ROS1: variants seen among roughly 807,000 people sequenced by gnomAD.
ROS1 encodes the protein ROS proto-oncogene 1, receptor tyrosine kinase.
A neutral mutation model predicts 273.5 loss-of-function variants in ROS1; 263 were observed. The observed-to-expected ratio is 0.96, with a 90% CI of 0.87 to 1.06. ROS1 has a LOEUF of 1.06. Among genes scored for constraint, ROS1 ranks in the 50% least tolerant of loss-of-function variants. The probability of loss-of-function intolerance (pLI) is 0.00; values close to 1 mark genes in which losing one functional copy is unlikely to be tolerated. For missense variants in ROS1, 2,833 were observed against 2,751.1 expected, an observed-to-expected ratio of 1.03 and a Z score of -0.67; for synonymous variants, 1,008 against 954.1, an observed-to-expected ratio of 1.06 and a Z score of -1.04.
chr6:117,404,836 T>G (rs1774269354), intron 5 of ROS1, among the ~76,000 whole-genome samples: 1 of 152,194 alleles, frequency 6.6e-6, no homozygotes, highest in Non-Finnish European at 1.5e-5. Context: ...TTCTGAAATT[T>G]TATACTCTAA....
intron 5 of ROS1, among the ~76,000 whole-genome samples, chr6:117,409,033 G>A (rs1278523483): frequency 7.1e-5 from 10 of 140,086 alleles, no homozygotes; most frequent in African/African-American, 2.7e-4. Flanking sequence ...ATGGACACAG[G>A]AAGGGGAACA....
At chr6:117,351,837 T>C (rs1029949819) in intron 27 of ROS1, among the ~76,000 whole-genome samples, 2 of 152,198 alleles carry the variant, frequency 1.3e-5, no homozygotes, top group Non-Finnish European at 2.9e-5. Flanking sequence ...CATGAACTTT[T>C]AAAATCTCTT....
chr6:117,359,753 T>C, intron 24 of ROS1, 56 bp downstream of exon 24: 4 of 1,362,286 alleles, frequency 2.9e-6, no homozygotes, highest in Non-Finnish European at 1.0e-6. Context: ...TACAAAGTAG[T>C]GTCATATGCA....
chr6:117,395,558 C>A (rs1773423521), intron 9 of ROS1, among the ~76,000 whole-genome samples: 1 of 152,114 alleles, frequency 6.6e-6, no homozygotes, highest in South Asian at 2.1e-4. Flanking sequence ...TCTCAAAAAT[C>A]TTTTATTAGT....
chr6:117,346,459 A>T (rs1444633214), intron 27 of ROS1, among the ~76,000 whole-genome samples: 1 of 149,056 alleles, frequency 6.7e-6, no homozygotes, highest in African/African-American at 2.5e-5. Context: ...GTTCCAGTTT[A>T]AAAAAAAAAC....
intron 13 of ROS1, among the ~76,000 whole-genome samples, chr6:117,388,543 A>G (rs577932935): frequency 1.3e-5 from 2 of 152,344 alleles, no homozygotes; most frequent in South Asian, 4.1e-4. Context: ...CTCACAGGCC[A>G]AACCTGGCCC....
intron 12 of ROS1, among the ~76,000 whole-genome samples, chr6:117,392,980 A>G (rs1339250575): frequency 6.6e-6 from 1 of 152,154 alleles, no homozygotes; most frequent in Non-Finnish European, 1.5e-5. Flanking sequence ...TCTTTCCCAT[A>G]TTCCCATATT....
chr6:117,385,891 T>C lies in ROS1; in HGVS notation c.2111-30A>G, dbSNP rs762218849. Reference sequence around the variant, plus strand: ...AAATAAAGTGAATGATTAGCAGTTATTTTTCATACATACCAACAAAAACAT... The same window carrying C: ...AAATAAAGTGAATGATTAGCAGTTACTTTTCATACATACCAACAAAAACAT... On this transcript the variant is annotated intron_variant, in intron 15 of 43. Transcript: ENST00000368507. The C allele has an allele frequency of 6.9e-6, 11 of 1,586,858 alleles. No individual in the cohort carries two copies. The South Asian group carries it at 1.0e-4, about 14-fold the overall frequency.
intron 17 of ROS1, among the ~76,000 whole-genome samples, chr6:117,382,305 T>C (rs749344934): frequency 3.3e-5 from 5 of 152,112 alleles, no homozygotes; most frequent in African/African-American, 1.2e-4. Context: ...AAATCAGGTC[T>C]CTTTAAATAT....
At chr6:117,317,019 T>C (rs2128555217) in intron 39 of ROS1, 124 bp downstream of exon 39, 1 of 1,039,186 alleles carries the variant, frequency 9.6e-7, no homozygotes, top group South Asian at 1.9e-5. Context: ...GGAAACAGAA[T>C]AATTCTTTCC....
chr6:117,399,358 C>T (rs533686458), intron 7 of ROS1, among the ~76,000 whole-genome samples: 36 of 152,206 alleles, frequency 2.4e-4, no homozygotes, highest in Non-Finnish European at 5.0e-4. Flanking sequence ...TGGAAAATTT[C>T]GAACATGGTC....
intron 33 of ROS1, among the ~76,000 whole-genome samples, chr6:117,327,675 G>A (rs1250695815): frequency 1.3e-5 from 2 of 152,220 alleles, no homozygotes; most frequent in Admixed American, 1.3e-4. Context: ...AACATGGTTT[G>A]TGTACTGGAT....
intron 27 of ROS1, among the ~76,000 whole-genome samples, chr6:117,350,917 C>T (rs1778794299): frequency 6.6e-6 from 1 of 152,014 alleles, no homozygotes. Context: ...CATTAGAGCC[C>T]CTAGCATATT....
intron 32 of ROS1, among the ~76,000 whole-genome samples, chr6:117,334,608 A>G (rs1777330292): frequency 6.6e-6 from 1 of 152,124 alleles, no homozygotes; most frequent in Admixed American, 6.6e-5. Context: ...TTACAAAGCT[A>G]CAGTAACACA....
In ROS1 at chr6:117,409,603, C is replaced by CA. The variant is rs775761624; in HGVS notation, c.294dup (p.Ala99CysfsTer3). ...TTACCCAGTACTTCCTCTTCATATG[C>CA]ACCTTCCGCGCTGCTACAGCCAACC... On this transcript the variant is annotated frameshift_variant, in exon 5 of 44. Coordinates refer to ENST00000368507, the MANE Select transcript of ROS1 (RefSeq NM_001378902.1). LOFTEE classifies it high-confidence loss of function. The CA allele has an allele frequency of 4.3e-6, 7 of 1,613,722 alleles. 1 individual carries two copies. The South Asian group carries it at 7.7e-5, about 18-fold the overall frequency.
intron 1 of ROS1, among the ~76,000 whole-genome samples, chr6:117,421,759 A>G (rs1244252855): frequency 6.6e-6 from 1 of 152,152 alleles, no homozygotes; most frequent in Non-Finnish European, 1.5e-5. Context: ...TTCTTTAAAA[A>G]CATTATTTAT....
chr6:117,415,038 C>A (rs1285453127), intron 3 of ROS1, among the ~76,000 whole-genome samples: 2 of 152,202 alleles, frequency 1.3e-5, no homozygotes, highest in Non-Finnish European at 2.9e-5. Flanking sequence ...CTGCTATATG[C>A]CCTGCACTGT....
intron 27 of ROS1, among the ~76,000 whole-genome samples, chr6:117,344,949 G>A (rs997039454): frequency 9.2e-5 from 14 of 152,192 alleles, no homozygotes; most frequent in Admixed American, 8.5e-4. Flanking sequence ...TCTGTCACTT[G>A]CAGCTGAACA....
intron 39 of ROS1, among the ~76,000 whole-genome samples, chr6:117,315,857 GAAAAAA>G (rs1775882892): frequency 4.6e-5 from 7 of 152,022 alleles, no homozygotes; most frequent in Admixed American, 3.9e-4. Flanking sequence ...AAGTGTCCAA[GAAAAAA>G]TTAAGTACTA....
Sources: allele counts gnomAD v4.1 joint callset (sites outside exome capture counted in the v4.1 genomes callset), GRCh38; gene constraint gnomAD v4.1.1; transcripts MANE v1.5; gene names NCBI Gene and HGNC (gene_info 2026-07-23, HGNC 2026-07-21).